CNTNAP5: variants seen among roughly 807,000 people sequenced by gnomAD.
CNTNAP5 encodes contactin associated protein family member 5.
In CNTNAP5, 72 loss-of-function variants were observed where a neutral mutation model predicts 150.2. The observed-to-expected ratio is 0.48, with a 90% CI of 0.40 to 0.58. The LOEUF (loss-of-function observed/expected upper bound fraction) is 0.58, where lower values mean the gene tolerates loss of function less well. Among genes scored for constraint, CNTNAP5 ranks in the 20% least tolerant of loss-of-function variants. The pLI is 0.00. For missense variants in CNTNAP5, 1,636 were observed against 1,626.2 expected (o/e 1.01, Z -0.10); for synonymous variants, 672 against 619.8 (o/e 1.08, Z -1.25).
At chr2:124,912,676 T>G (rs1046756799) in intron 23 of CNTNAP5, among the ~76,000 whole-genome samples, 2 of 152,082 alleles carry the variant, frequency 1.3e-5, no homozygotes, top group African/African-American at 4.8e-5. Context: ...TTTCAATAAT[T>G]TCCCATTTGA....
chr2:124,081,852 T>C (rs1456055032), intron 1 of CNTNAP5, among the ~76,000 whole-genome samples: 1 of 152,228 alleles, frequency 6.6e-6, no homozygotes, highest in Non-Finnish European at 1.5e-5. Flanking sequence ...TTTCTCCCAG[T>C]GTCAACATCT....
chr2:124,212,050 ACTACT>A (rs1686028357), intron 1 of CNTNAP5, among the ~76,000 whole-genome samples: 1 of 152,234 alleles, frequency 6.6e-6, no homozygotes, highest in African/African-American at 2.4e-5. Flanking sequence ...AATTCTGATA[ACTACT>A]CAATGAACAG....
intron 3 of CNTNAP5, among the ~76,000 whole-genome samples, chr2:124,297,858 ATTT>A (rs869158506): frequency 7.6e-6 from 1 of 131,150 alleles, no homozygotes; most frequent in African/African-American, 2.8e-5. Context: ...TATTATTATT[ATTT>A]TGAAATGGAG....
At chr2:124,511,411 G>T (rs1244754636) in intron 8 of CNTNAP5, among the ~76,000 whole-genome samples, 1 of 152,178 alleles carries the variant, frequency 6.6e-6, no homozygotes, top group East Asian at 1.9e-4. Flanking sequence ...GTTTGTTTTT[G>T]TTTTTTGTAG....
intron 20 of CNTNAP5, among the ~76,000 whole-genome samples, 174 bp from the exon 21 acceptor site, chr2:124,869,501 T>A (rs1279287055): frequency 6.6e-6 from 1 of 152,084 alleles, no homozygotes; most frequent in African/African-American, 2.4e-5. Flanking sequence ...AAGGGGTATT[T>A]TATGTGCGTT....
At chr2:124,618,729 T>C (rs1387240892) in intron 12 of CNTNAP5, among the ~76,000 whole-genome samples, 3 of 152,154 alleles carry the variant, frequency 2.0e-5, no homozygotes, top group Admixed American at 2.0e-4. Flanking sequence ...AAGTGGAAGA[T>C]TTCCATATTG....
intron 3 of CNTNAP5, among the ~76,000 whole-genome samples, chr2:124,289,637 G>C (rs768552333): frequency 1.3e-4 from 20 of 152,134 alleles, no homozygotes; most frequent in Non-Finnish European, 2.2e-4. Flanking sequence ...AGAGGACCAG[G>C]CCTTCAATGT....
At chr2:124,218,831 G>A (rs570938308) in intron 1 of CNTNAP5, among the ~76,000 whole-genome samples, 47 of 152,180 alleles carry the variant, frequency 3.1e-4, no homozygotes, top group Middle Eastern at 6.8e-3. Context: ...TTACTGGTTC[G>A]CTGTAATCAT....
At chr2:124,661,115 T>G (rs1336173373) in intron 13 of CNTNAP5, among the ~76,000 whole-genome samples, 5 of 152,114 alleles carry the variant, frequency 3.3e-5, no homozygotes, top group Admixed American at 3.3e-4. Context: ...GTACACTTTA[T>G]AAACACTGCA....
At chr2:124,342,930 C>A (rs1244198306) in intron 3 of CNTNAP5, among the ~76,000 whole-genome samples, 4 of 152,092 alleles carry the variant, frequency 2.6e-5, no homozygotes, top group Admixed American at 2.0e-4. Flanking sequence ...GTTTAGTATT[C>A]TTTTTCATTT....
intron 1 of CNTNAP5, among the ~76,000 whole-genome samples, chr2:124,218,975 T>C (rs1529291): frequency 1.3e-5 from 2 of 152,178 alleles, no homozygotes; most frequent in South Asian, 2.1e-4. Flanking sequence ...TCTGAGAATA[T>C]GCACAAAATG....
intron 11 of CNTNAP5, among the ~76,000 whole-genome samples, chr2:124,605,987 C>T (rs1207743507): frequency 6.6e-6 from 1 of 151,952 alleles, no homozygotes; most frequent in Admixed American, 6.6e-5. Flanking sequence ...TCTCTCTCTC[C>T]ATAGTTATCC....
At chr2:124,560,993 C>A (rs932609369) in intron 10 of CNTNAP5, among the ~76,000 whole-genome samples, 22 of 151,936 alleles carry the variant, frequency 1.4e-4, no homozygotes, top group African/African-American at 4.8e-5. Flanking sequence ...ACAGAATAAG[C>A]ACCTATTGAG....
At chr2:124,314,205 C>T (rs1163930963) in intron 3 of CNTNAP5, among the ~76,000 whole-genome samples, 4 of 152,178 alleles carry the variant, frequency 2.6e-5, no homozygotes, top group African/African-American at 9.7e-5. Flanking sequence ...TCTCGTACTA[C>T]TTCATCTGAA....
chr2:124,609,709 C>T, intron 11 of CNTNAP5, 92 bp from the exon 12 acceptor site: 3 of 1,412,102 alleles, frequency 2.1e-6, no homozygotes, highest in Non-Finnish European at 2.9e-6. Flanking sequence ...AATGAATACA[C>T]ATAGAGCAAA....
intron 18 of CNTNAP5, among the ~76,000 whole-genome samples, chr2:124,791,758 G>C (rs144129118): frequency 2.1e-5 from 3 of 140,068 alleles, no homozygotes; most frequent in African/African-American, 8.2e-5. Context: ...TTCTGTCCAC[G>C]GCCCTGTATC....
chr2:124,523,614 A>G (rs535175236), intron 8 of CNTNAP5, among the ~76,000 whole-genome samples: 50 of 152,342 alleles, frequency 3.3e-4, no homozygotes, highest in Middle Eastern at 6.8e-3. Flanking sequence ...CCTTTCTCCC[A>G]GTGCCTTTAG....
chr2:124,897,630 A>G (rs1678332980), intron 21 of CNTNAP5, among the ~76,000 whole-genome samples: 1 of 151,482 alleles, frequency 6.6e-6, no homozygotes, highest in Non-Finnish European at 1.5e-5. Flanking sequence ...CTGTTAAGTC[A>G]GGCTAGAGAA....
At chr2:124,323,902 G>A (rs1276853586) in intron 3 of CNTNAP5, among the ~76,000 whole-genome samples, 1 of 152,006 alleles carries the variant, frequency 6.6e-6, no homozygotes, top group African/African-American at 2.4e-5. Flanking sequence ...GTGTGTGAAA[G>A]GAGAAATAGA....
Sources: allele counts gnomAD v4.1 joint callset (sites outside exome capture counted in the v4.1 genomes callset), GRCh38; gene constraint gnomAD v4.1.1; transcripts MANE v1.5; gene names NCBI Gene and HGNC (gene_info 2026-07-23, HGNC 2026-07-21).